The following THSD4 variants were observed in gnomAD, a reference collection of about 807,000 sequenced individuals.
The protein encoded by THSD4 is thrombospondin type 1 domain containing 4, also known as thrombospondin type-1 domain-containing protein 4.
A neutral mutation model predicts 119.0 loss-of-function variants in THSD4; 69 were observed. That is an observed-to-expected ratio of 0.58 (90% CI 0.48 to 0.71). The LOEUF is 0.71. Among genes scored for constraint, THSD4 ranks in the 30% least tolerant of loss-of-function variants. THSD4 has a pLI of 0.00. For missense variants in THSD4, 1,393 were observed against 1,391.1 expected, an observed-to-expected ratio of 1.00 and a Z score of -0.02; for synonymous variants, 524 against 540.4, an observed-to-expected ratio of 0.97 and a Z score of 0.42.
At position 71,407,238 on chromosome 15, in the gene THSD4, G is replaced by T. The variant is rs1320604537; in HGVS notation, c.1016-4449G>T. On this transcript the variant is annotated intron_variant, in intron 6 of 17. Coordinates refer to ENST00000261862, the MANE Select transcript of THSD4 (RefSeq NM_024817.3). ...TACAACTCTTAGAGATAGTTGTCCC[G>T]GTTTTAGGTCTGCTTTCTCCCCCAT... 3.9e-5 allele frequency among the ~76,000 whole-genome samples: 6 copies of T among 152,056 alleles called. No individual in the cohort carries two copies. In the East Asian group the frequency reaches 1.2e-3, roughly 29 times the overall value.
intron 7 of THSD4, among the ~76,000 whole-genome samples, chr15:71,468,642 G>T (rs2047532603): frequency 1.3e-5 from 2 of 152,180 alleles, no homozygotes; most frequent in Non-Finnish European, 2.9e-5. Flanking sequence ...TAATAGCAGT[G>T]ATCTAAAGGA....
At chr15:71,474,999 C>G (rs1163627683) in intron 7 of THSD4, among the ~76,000 whole-genome samples, 3 of 152,118 alleles carry the variant, frequency 2.0e-5, no homozygotes, top group African/African-American at 7.2e-5. Flanking sequence ...CCAGGCCCAC[C>G]CCAGACCGAC....
At chr15:71,498,568 A>G (rs2048062482) in intron 7 of THSD4, among the ~76,000 whole-genome samples, 1 of 152,050 alleles carries the variant, frequency 6.6e-6, no homozygotes, top group Non-Finnish European at 1.5e-5. Context: ...CTCCACTCCC[A>G]TGCCCACTCT....
chr15:71,138,983 C>T (rs1264671984), intron 1 of THSD4, among the ~76,000 whole-genome samples: 1 of 151,048 alleles, frequency 6.6e-6, no homozygotes, highest in African/African-American at 2.5e-5. Context: ...CTCCCCCCCC[C>T]ATTTTACAGA....
chr15:71,470,520 C>T (rs187411308), intron 7 of THSD4, among the ~76,000 whole-genome samples: 8 of 152,214 alleles, frequency 5.3e-5, no homozygotes, highest in Non-Finnish European at 4.4e-5. Context: ...TCCTAATGGT[C>T]TCATTAGGAG....
At position 71,297,320 on chromosome 15, in the gene THSD4, TTTTG is replaced by T. The variant is rs1555461740; in HGVS notation, c.1015+40633_1015+40636del. Reference sequence around the variant, plus strand: ...AAGTCCTTTGCTCTCCTCTTCTTTTTTTTGTTTGTTTGTTTGTTTGTTTGTTTGT... The same window carrying T: ...AAGTCCTTTGCTCTCCTCTTCTTTTTTTTGTTTGTTTGTTTGTTTGTTTGT... On this transcript the variant is annotated intron_variant, in intron 6 of 17. Transcript: ENST00000261862. Among the ~76,000 whole-genome samples, 240 of 148,084 alleles carry T rather than the reference TTTTG, an allele frequency of 1.6e-3. 5 individuals are homozygous for T. Among genetic ancestry groups the T allele is most frequent in the African/African-American group, 4.1e-3 (165 of 40,198 alleles).
At chr15:71,694,912 G>A (rs972725717) in intron 8 of THSD4, among the ~76,000 whole-genome samples, 2 of 152,132 alleles carry the variant, frequency 1.3e-5, no homozygotes, top group African/African-American at 4.8e-5. Flanking sequence ...GGTCCTAAGT[G>A]CAGCAGCCCA....
At chr15:71,172,687 A>AGACC (rs1294650959) in intron 3 of THSD4, among the ~76,000 whole-genome samples, 1 of 13,926 alleles carries the variant, frequency 7.2e-5, no homozygotes, top group African/African-American at 3.3e-4. Context: ...CTATACATAT[A>AGACC]TATATATATA....
At chr15:71,356,331 T>C (rs533360229) in intron 6 of THSD4, among the ~76,000 whole-genome samples, 181 of 152,326 alleles carry the variant, frequency 1.2e-3, no homozygotes, top group Non-Finnish European at 1.9e-3. Flanking sequence ...AGTCATTCCC[T>C]GTCTAGTCCC....
At chr15:71,339,561 T>C (rs941154380) in intron 6 of THSD4, among the ~76,000 whole-genome samples, 36 of 152,268 alleles carry the variant, frequency 2.4e-4, no homozygotes, top group African/African-American at 7.9e-4. Flanking sequence ...GTGTAGTGTT[T>C]AAGAGATGGG....
At chr15:71,459,398 C>CTCTG (rs1457184673) in intron 7 of THSD4, among the ~76,000 whole-genome samples, 1 of 144,122 alleles carries the variant, frequency 6.9e-6, no homozygotes, top group Non-Finnish European at 1.5e-5. Flanking sequence ...CTCTCTCTCT[C>CTCTG]TCTCTCTGTC....
At chr15:71,370,481 G>A (rs536930617) in intron 6 of THSD4, among the ~76,000 whole-genome samples, 1 of 152,200 alleles carries the variant, frequency 6.6e-6, no homozygotes, top group South Asian at 2.1e-4. Context: ...GGTACGTTGT[G>A]TCTTTGTTCT....
intron 3 of THSD4, among the ~76,000 whole-genome samples, chr15:71,201,016 G>A (rs2043799534): frequency 6.6e-6 from 1 of 152,192 alleles, no homozygotes; most frequent in African/African-American, 2.4e-5. Context: ...GACTTACGCT[G>A]TGAATCAAAT....
intron 3 of THSD4, among the ~76,000 whole-genome samples, chr15:71,169,155 A>C (rs905411522): frequency 2.0e-5 from 3 of 152,240 alleles, no homozygotes; most frequent in Admixed American, 2.0e-4. Flanking sequence ...AGTTCATGTG[A>C]GATGATATCC....
At chr15:71,573,003 A>C (rs910939528) in intron 7 of THSD4, among the ~76,000 whole-genome samples, 2 of 152,158 alleles carry the variant, frequency 1.3e-5, no homozygotes, top group Admixed American at 1.3e-4. Context: ...TTGATGCCCC[A>C]CCAAGGAGGA....
rs577836056 is a variant in THSD4, at chr15:71,504,606, T to G, written c.1152+92783T>G. Among the ~76,000 whole-genome samples, 42 of 152,320 alleles carry G rather than the reference T, an allele frequency of 2.8e-4. 1 individual carries two copies. The South Asian group carries it at 7.9e-3, about 29-fold the overall frequency. ...ATTATTTGGATTAATTTTATTAACC[T>G]TTTTATTTTGGAGTAACTTAAGATA... On this transcript the variant is annotated intron_variant, in intron 7 of 17. Coordinates refer to ENST00000261862, the MANE Select transcript of THSD4 (RefSeq NM_024817.3).
chr15:71,108,151 C>T (rs2040281821), intron 1 of THSD4, among the ~76,000 whole-genome samples: 1 of 152,154 alleles, frequency 6.6e-6, no homozygotes, highest in South Asian at 2.1e-4. Flanking sequence ...GATGAGGTGG[C>T]CACTGTAGGG....
chr15:71,450,780 A>G (rs1389867740), intron 7 of THSD4, among the ~76,000 whole-genome samples: 3 of 152,326 alleles, frequency 2.0e-5, no homozygotes, highest in African/African-American at 7.2e-5. Context: ...GAGGAAAGCC[A>G]CATTTAATTA....
chr15:71,492,840 G>A (rs933163639), intron 7 of THSD4, among the ~76,000 whole-genome samples: 3 of 151,644 alleles, frequency 2.0e-5, no homozygotes, highest in Admixed American at 6.6e-5. Context: ...TGCTTGTGGT[G>A]AGAATTATTA....
Sources: gnomAD v4.1 joint callset for allele counts (sites outside exome capture counted in the v4.1 genomes callset) on GRCh38, gnomAD v4.1.1 for gene constraint, MANE v1.5 for transcripts, NCBI Gene and HGNC (gene_info 2026-07-23, HGNC 2026-07-21) for gene names.